The following TRIO variants were observed in gnomAD, a reference collection of about 807,000 sequenced individuals.
The protein encoded by TRIO is trio Rho guanine nucleotide exchange factor, also known as triple functional domain protein.
In TRIO, 58 loss-of-function variants were observed where a neutral mutation model predicts 351.9. That is an observed-to-expected ratio of 0.16 (90% CI 0.13 to 0.21). The LOEUF (loss-of-function observed/expected upper bound fraction) is 0.21. Ranked by LOEUF, TRIO falls within the 10% of genes least tolerant of loss-of-function variation. The pLI is 1.00. For missense variants in TRIO, 3,201 were observed against 4,027.8 expected (o/e 0.79, Z 5.56); for synonymous variants, 1,758 against 1,595.7 (o/e 1.10, Z -2.42).
At position 14,318,750 on chromosome 5, in the gene TRIO, A is replaced by G. The variant is rs528354243; in HGVS notation, c.1731+2007A>G. On this transcript the variant is annotated intron_variant, in intron 9 of 56. Coordinates refer to ENST00000344204, the MANE Select transcript of TRIO (RefSeq NM_007118.4). ...AATAATCGTGTTTTTGAATTGTCCA[A>G]AAACTTCTACAAACCATGAAATGTT... is the stretch of plus-strand genomic sequence containing the variant. Among the ~76,000 whole-genome samples the G allele has an allele frequency of 7.6e-4, 116 of 152,344 alleles. 5 individuals are homozygous for G. In the South Asian group the frequency reaches 0.023, roughly 30 times the overall value.
intron 31 of TRIO, among the ~76,000 whole-genome samples, chr5:14,403,389 GGGTGTAGGTTGTGA>G (rs1219837364): frequency 4.5e-5 from 4 of 89,824 alleles, no homozygotes; most frequent in Non-Finnish European, 6.2e-5. Context: ...TAGGTTGTGA[GGGTGTAGGTTGTGA>G]TGAGGGTGTA....
chr5:14,459,206 C>A (rs1043812918), intron 34 of TRIO, among the ~76,000 whole-genome samples: 3 of 152,164 alleles, frequency 2.0e-5, no homozygotes, highest in African/African-American at 7.2e-5. Flanking sequence ...GCTGTCTAGT[C>A]CCAGCGTCGG....
intron 7 of TRIO, among the ~76,000 whole-genome samples, chr5:14,298,943 A>G (rs1737623405): frequency 6.6e-6 from 1 of 152,248 alleles, no homozygotes; most frequent in Non-Finnish European, 1.5e-5. Flanking sequence ...CAAAGTAGCA[A>G]TACCCTCGAT....
intron 34 of TRIO, among the ~76,000 whole-genome samples, chr5:14,432,949 G>A (rs1472003538): frequency 6.6e-6 from 1 of 152,170 alleles, no homozygotes; most frequent in African/African-American, 2.4e-5. Context: ...AGAGAAATGG[G>A]ACATCAAAAG....
chr5:14,490,816 C>T (rs1421755884), intron 48 of TRIO: 1 of 455,978 alleles, frequency 2.2e-6, no homozygotes, highest in Non-Finnish European at 4.4e-6. Context: ...AGCTGTGCTG[C>T]AGAAGTTGTT....
chr5:14,217,283 C>G (rs1426866757), intron 1 of TRIO, among the ~76,000 whole-genome samples: 5 of 152,148 alleles, frequency 3.3e-5, no homozygotes, highest in Admixed American at 3.3e-4. Context: ...TCTGAGGTGT[C>G]CTAACTCTGT....
intron 2 of TRIO, among the ~76,000 whole-genome samples, chr5:14,279,096 G>A (rs962723849): frequency 1.3e-5 from 2 of 152,166 alleles, no homozygotes; most frequent in Non-Finnish European, 2.9e-5. Flanking sequence ...TGGATCTGTT[G>A]TTACCTATGA....
chr5:14,391,083 A>T, intron 27 of TRIO, 93 bp downstream of exon 27: 1 of 926,978 alleles, frequency 1.1e-6, no homozygotes, highest in Non-Finnish European at 1.6e-6. Flanking sequence ...TGATAGTACA[A>T]TGTTTTCATT....
At chr5:14,385,860 C>T (rs1029968745) in intron 21 of TRIO, among the ~76,000 whole-genome samples, 1 of 152,160 alleles carries the variant, frequency 6.6e-6, no homozygotes, top group African/African-American at 2.4e-5. Flanking sequence ...ATCTTTTTAT[C>T]TTCACTTCTG....
intron 9 of TRIO, among the ~76,000 whole-genome samples, chr5:14,321,123 T>C (rs983751263): frequency 4.6e-5 from 7 of 152,236 alleles, no homozygotes; most frequent in African/African-American, 1.7e-4. Context: ...AAGTAGCAGC[T>C]ATCATATTGA....
chr5:14,151,573 G>A (rs1303046430), intron 1 of TRIO, among the ~76,000 whole-genome samples: 3 of 152,188 alleles, frequency 2.0e-5, no homozygotes, highest in African/African-American at 4.8e-5. Context: ...GAAGTGACAT[G>A]TATAAATGAC....
intron 34 of TRIO, among the ~76,000 whole-genome samples, chr5:14,448,204 CT>C (rs3840118): frequency 6.6e-6 from 1 of 152,314 alleles, no homozygotes; most frequent in East Asian, 1.9e-4. Context: ...AGCCATTTGA[CT>C]TTTTGGGAAC....
At chr5:14,244,061 C>T (rs554866353) in intron 1 of TRIO, among the ~76,000 whole-genome samples, 4 of 152,186 alleles carry the variant, frequency 2.6e-5, no homozygotes, top group Non-Finnish European at 4.4e-5. Flanking sequence ...TTTTACACTT[C>T]GGGTGCGTTG....
At position 14,500,204 on chromosome 5, in the gene TRIO, C is replaced by T. The variant is rs895347150; in HGVS notation, c.8332+1564C>T. ...GTGGACTATTCCAAGATGATCTTAA[C>T]CATTTCCAAATTGTTCTCTGAGAGA... On this transcript the variant is annotated intron_variant, in intron 53 of 56. Coordinates refer to ENST00000344204, the MANE Select transcript of TRIO (RefSeq NM_007118.4). 3.3e-5 allele frequency among the ~76,000 whole-genome samples: 5 copies of T among 152,174 alleles called. No homozygotes were observed. In the East Asian group the frequency reaches 9.6e-4, roughly 29 times the overall value.
intron 40 of TRIO, among the ~76,000 whole-genome samples, 164 bp downstream of exon 40, chr5:14,474,261 G>C (rs1364462232): frequency 6.6e-6 from 1 of 152,224 alleles, no homozygotes; most frequent in African/African-American, 2.4e-5. Flanking sequence ...GAGTTCTGCA[G>C]TAGCATTTGG....
At chr5:14,200,472 G>A (rs555837910) in intron 1 of TRIO, among the ~76,000 whole-genome samples, 7 of 152,274 alleles carry the variant, frequency 4.6e-5, no homozygotes, top group Middle Eastern at 6.8e-3. Context: ...TTGGAGGCAG[G>A]GACTGAATGT....
chr5:14,304,670 A>AC, intron 8 of TRIO, 78 bp downstream of exon 8: 1 of 1,489,824 alleles, frequency 6.7e-7, no homozygotes, highest in South Asian at 1.3e-5. Context: ...GAAAAAAAAA[A>AC]GTTTTGGGTA....
intron 34 of TRIO, among the ~76,000 whole-genome samples, chr5:14,446,571 T>C (rs962420766): frequency 3.9e-5 from 6 of 152,132 alleles, no homozygotes; most frequent in African/African-American, 1.4e-4. Flanking sequence ...CGTAATGCTT[T>C]GTGTGCTTGG....
At chr5:14,361,256 A>C (rs1202537905) in intron 13 of TRIO, among the ~76,000 whole-genome samples, 1 of 152,246 alleles carries the variant, frequency 6.6e-6, no homozygotes, top group Non-Finnish European at 1.5e-5. Flanking sequence ...ATTTATCGTA[A>C]GTATATGAAA....
Sources: allele counts gnomAD v4.1 joint callset (sites outside exome capture counted in the v4.1 genomes callset), GRCh38; gene constraint gnomAD v4.1.1; transcripts MANE v1.5; gene names NCBI Gene and HGNC (gene_info 2026-07-23, HGNC 2026-07-21).